Variants in GLIS3 observed in about 807,000 individuals in gnomAD.
GLIS3 encodes GLIS family zinc finger 3.
GLIS3 carries 53 observed loss-of-function variants against 78.6 expected under a neutral mutation model. That is an observed-to-expected ratio of 0.67 (90% CI 0.54 to 0.85). The LOEUF (loss-of-function observed/expected upper bound fraction) is 0.85. GLIS3 is among the 40% of genes least tolerant of loss of function. The pLI is 0.00. For missense variants in GLIS3, 1,703 were observed against 1,231.1 expected, an observed-to-expected ratio of 1.38 and a Z score of -5.74; for synonymous variants, 684 against 509.9, an observed-to-expected ratio of 1.34 and a Z score of -4.60.
At chr9:3,933,581 T>C (rs1470393698) in intron 5 of GLIS3, among the ~76,000 whole-genome samples, 1 of 152,208 alleles carries the variant, frequency 6.6e-6, no homozygotes, top group African/African-American at 2.4e-5. Context: ...GTAGCTGATA[T>C]GCTTAGTGTC....
At position 4,139,278 on chromosome 9, in the gene GLIS3, G is replaced by A. The variant is rs117771011; in HGVS notation, c.389-13337C>T. Among the ~76,000 whole-genome samples the A allele has an allele frequency of 3.2e-4, 49 of 152,298 alleles. 1 individual carries two copies. In the East Asian group the frequency reaches 8.5e-3, roughly 26 times the overall value. On this transcript the variant is annotated intron_variant, in intron 2 of 10. Coordinates refer to ENST00000381971, the MANE Select transcript of GLIS3 (RefSeq NM_001042413.2). Reference sequence around the variant, plus strand: ...TCTGGGTGAGACCCCTCACTGTACGGAGCAATGACTGGTATCCCCCAGACA... The same window carrying A: ...TCTGGGTGAGACCCCTCACTGTACGAAGCAATGACTGGTATCCCCCAGACA...
At chr9:4,411,180 G>A in the GLIS3 span, among the ~76,000 whole-genome samples, 11 of 152,162 alleles carry the variant, frequency 7.2e-5, no homozygotes, top group African/African-American at 2.7e-4. Flanking sequence ...TTACATGTGT[G>A]ATGTGATAAT....
At chr9:4,018,878 C>A (rs1192256988) in intron 4 of GLIS3, among the ~76,000 whole-genome samples, 1 of 152,220 alleles carries the variant, frequency 6.6e-6, no homozygotes, top group African/African-American at 2.4e-5. Context: ...TGTGTTCTCG[C>A]TTAGAAAAGC....
At chr9:4,004,611 C>G (rs1488229906) in intron 4 of GLIS3, among the ~76,000 whole-genome samples, 2 of 152,150 alleles carry the variant, frequency 1.3e-5, no homozygotes, top group Non-Finnish European at 2.9e-5. Flanking sequence ...CACTGAGCAT[C>G]TCTATGGCAT....
At chr9:4,381,743 G>A in the GLIS3 span, among the ~76,000 whole-genome samples, 3 of 152,194 alleles carry the variant, frequency 2.0e-5, no homozygotes, top group Non-Finnish European at 4.4e-5. Flanking sequence ...CTGGGGCTGT[G>A]GGAATCCACA....
chr9:3,955,799 A>C (rs1180011616), intron 4 of GLIS3, among the ~76,000 whole-genome samples: 1 of 152,186 alleles, frequency 6.6e-6, no homozygotes, highest in Non-Finnish European at 1.5e-5. Flanking sequence ...AATAATACAC[A>C]AAGCTCTTCA....
chr9:4,039,904 C>T (rs993507576), intron 4 of GLIS3, among the ~76,000 whole-genome samples: 2 of 152,134 alleles, frequency 1.3e-5, no homozygotes, highest in South Asian at 2.1e-4. Flanking sequence ...ATTGGAGGAT[C>T]GACAAGGCCA....
chr9:4,387,145 G>C, the GLIS3 span, among the ~76,000 whole-genome samples: 223 of 152,310 alleles, frequency 1.5e-3, no homozygotes, highest in African/African-American at 5.0e-3. Context: ...AGAAATGTTT[G>C]TTATAGAGAT....
chr9:4,191,831 A>C (rs1818359594), intron 2 of GLIS3, among the ~76,000 whole-genome samples: 1 of 152,192 alleles, frequency 6.6e-6, no homozygotes, highest in Non-Finnish European at 1.5e-5. Context: ...CATATGAAAA[A>C]TACTGATGAA....
intron 4 of GLIS3, among the ~76,000 whole-genome samples, chr9:3,947,049 A>G (rs1816349754): frequency 2.0e-5 from 3 of 151,302 alleles, no homozygotes; most frequent in Admixed American, 2.0e-4. Context: ...CCTACAGCCA[A>G]CCTCTCAGAA....
At chr9:4,263,515 A>G (rs1458514705) in intron 2 of GLIS3, among the ~76,000 whole-genome samples, 2 of 151,370 alleles carry the variant, frequency 1.3e-5, no homozygotes, top group East Asian at 3.9e-4. Context: ...ATTGAGGCCA[A>G]AAAAAAAGGA....
intron 9 of GLIS3, among the ~76,000 whole-genome samples, chr9:3,833,326 C>T (rs1395637293): frequency 6.6e-6 from 1 of 152,152 alleles, no homozygotes; most frequent in African/African-American, 2.4e-5. Flanking sequence ...TATTCTCTTC[C>T]CAGCACTATT....
chr9:4,118,890 G>C lies in GLIS3; in HGVS notation c.597-9C>G, dbSNP rs761069349. The C allele has an allele frequency of 5.0e-6, 8 of 1,599,994 alleles. No individual in the cohort carries two copies. Among genetic ancestry groups the C allele is most frequent in the Middle Eastern group, 1.6e-4 (1 of 6,080 alleles). ...CACGCGAAATAAGGGACCTGGAACA[G>C]CAGCCAGAAAGGAAGAAAAAAAAAA... is the stretch of plus-strand genomic sequence containing the variant. On this transcript the variant is annotated splice_polypyrimidine_tract_variant and intron_variant, in intron 3 of 10. Transcript: ENST00000381971. The surrounding 1 kb of genome is among the most constrained non-coding windows in gnomAD (Gnocchi z 4.7).
intron 6 of GLIS3, among the ~76,000 whole-genome samples, chr9:3,914,658 C>G (rs909252665): frequency 1.3e-5 from 2 of 152,174 alleles, no homozygotes; most frequent in Admixed American, 6.5e-5. Context: ...AATTTTCCAC[C>G]TTGCTTCTAA....
At chr9:4,132,152 T>G (rs1207938597) in intron 2 of GLIS3, among the ~76,000 whole-genome samples, 1 of 152,168 alleles carries the variant, frequency 6.6e-6, no homozygotes, top group South Asian at 2.1e-4. Context: ...CAATGACTTG[T>G]GCACTGGTTT....
At chr9:4,159,027 G>GAACAAAAAAA (rs1178892650) in intron 2 of GLIS3, among the ~76,000 whole-genome samples, 1 of 4,022 alleles carries the variant, frequency 2.5e-4, no homozygotes, top group Non-Finnish European at 5.4e-4. Context: ...AGAGAAAGGA[G>GAACAAAAAAA]AAGAAGAAAA....
chr9:4,378,359 T>G, the GLIS3 span, among the ~76,000 whole-genome samples: 2 of 152,288 alleles, frequency 1.3e-5, no homozygotes, highest in East Asian at 1.9e-4. Flanking sequence ...TCAGAAATAT[T>G]TCAGATACAC....
At chr9:4,304,119 T>G (rs931938365), upstream of GLIS3, among the ~76,000 whole-genome samples, 6 of 152,256 alleles carry the variant, frequency 3.9e-5, no homozygotes, top group Admixed American at 3.3e-4. Context: ...AATGGTTTCT[T>G]CACCTTCAGA....
chr9:3,954,873 C>T lies in GLIS3; in HGVS notation c.1711-17684G>A, dbSNP rs546410552. ...AGCTTTTTACTTCATTTGGTTTGTT[C>T]AGCTGAAAACATGCCTTTGACGATC... On this transcript the variant is annotated intron_variant, in intron 4 of 10. Transcript: ENST00000381971. 2.0e-5 allele frequency among the ~76,000 whole-genome samples: 3 copies of T among 152,246 alleles called. No homozygotes were observed. In the South Asian group the frequency reaches 6.2e-4, roughly 32 times the overall value.
Sources: gnomAD v4.1 joint callset for allele counts (sites outside exome capture counted in the v4.1 genomes callset) on GRCh38, gnomAD v4.1.1 for gene constraint, Gnocchi (gnomAD v3.1) non-coding constraint, MANE v1.5 for transcripts, NCBI Gene and HGNC (gene_info 2026-07-23, HGNC 2026-07-21) for gene names.